Variants in SESN1 observed in about 807,000 individuals in gnomAD.
SESN1 encodes sestrin-1.
SESN1 carries 30 observed loss-of-function variants against 59.3 expected under a neutral mutation model. That is an observed-to-expected ratio of 0.51 (90% CI 0.38 to 0.69). The LOEUF is 0.69. Among genes scored for constraint, SESN1 ranks in the 30% least tolerant of loss-of-function variants. The pLI is 0.00. For missense variants in SESN1, 566 were observed against 673.0 expected (o/e 0.84, Z 1.76); for synonymous variants, 197 against 219.9 (o/e 0.90, Z 0.92).
intron 1 of SESN1, among the ~76,000 whole-genome samples, chr6:109,051,060 T>G (rs1780533513): frequency 1.3e-5 from 2 of 152,114 alleles, no homozygotes; most frequent in African/African-American, 4.8e-5. Context: ...CACCAAATAT[T>G]AATGCTGCTT....
chr6:109,036,678 T>A (rs991506640), intron 1 of SESN1, among the ~76,000 whole-genome samples: 1 of 152,234 alleles, frequency 6.6e-6, no homozygotes, highest in Non-Finnish European at 1.5e-5. Flanking sequence ...TTTCTTTTCC[T>A]GTTAACTTTC....
At chr6:109,062,731 C>A (rs1780751805) in intron 1 of SESN1, among the ~76,000 whole-genome samples, 1 of 152,076 alleles carries the variant, frequency 6.6e-6, no homozygotes, top group African/African-American at 2.4e-5. Context: ...TAGTACTGAA[C>A]CCCCTATGTA....
At chr6:108,998,182 C>G (rs1226932906) in intron 5 of SESN1, among the ~76,000 whole-genome samples, 3 of 152,156 alleles carry the variant, frequency 2.0e-5, no homozygotes, top group Non-Finnish European at 2.9e-5. Context: ...CTATTTTCAG[C>G]CTTCCCTCAT....
Position 109,094,132 on chromosome 6 carries a change from C to T in SESN1, c.-59G>A. 1 of 1,509,874 alleles carries T rather than the reference C, an allele frequency of 6.6e-7. No homozygotes were observed. The highest frequency in any genetic ancestry group is 2.2e-5 in the Admixed American group (1 of 46,058). 93.5% of individuals were successfully genotyped at this position (1,509,874 alleles called of 1,614,324 possible). ...CTTTCAGCATGCCCCAAAAAAATTG[C>T]TTTGTATTTTTAAAATGAAAAATGT... On this transcript the variant is annotated 5_prime_UTR_variant, in exon 1 of 10. Transcript: ENST00000436639.
At chr6:108,988,384 A>G (rs1033528881) in intron 9 of SESN1, 159 bp downstream of exon 9, 3 of 557,630 alleles carry the variant, frequency 5.4e-6, no homozygotes, top group South Asian at 3.0e-5. Context: ...CAACATAATC[A>G]GGTTCCCTTC....
At chr6:109,045,724 G>C (rs1194262324) in intron 1 of SESN1, among the ~76,000 whole-genome samples, 1 of 152,164 alleles carries the variant, frequency 6.6e-6, no homozygotes, top group African/African-American at 2.4e-5. Flanking sequence ...CAAAGCCTTT[G>C]CAGAATTCTC....
intron 1 of SESN1, among the ~76,000 whole-genome samples, chr6:109,017,241 T>C (rs1182158900): frequency 6.6e-6 from 1 of 152,164 alleles, no homozygotes; most frequent in African/African-American, 2.4e-5. Flanking sequence ...TATGTAACCA[T>C]TTAGCATTCA....
chr6:109,083,118 G>A (rs1167778590), intron 1 of SESN1, among the ~76,000 whole-genome samples: 1 of 152,146 alleles, frequency 6.6e-6, no homozygotes, highest in African/African-American at 2.4e-5. Flanking sequence ...GTTTACCAAT[G>A]TCATCTCTTA....
rs11415303 is a variant in SESN1 at position 109,058,037 on chromosome 6, CT to C, written c.279+35757del. Among the ~76,000 whole-genome samples the C allele has an allele frequency of 6.1e-3, 889 of 146,060 alleles. 6 individuals are homozygous for C. The highest frequency in any genetic ancestry group is 0.036 in the Middle Eastern group (10 of 280). On this transcript the variant is annotated intron_variant, in intron 1 of 9. Transcript: ENST00000436639. ...AGGGTCCCCTAATATTGTACAGTAA[CT>C]TTTTTTTTTTTACTATACCTTTCCT...
chr6:109,014,744 GGTGGCCTCATGCCACCC>G (rs1471003842), intron 1 of SESN1, among the ~76,000 whole-genome samples: 1 of 151,878 alleles, frequency 6.6e-6, no homozygotes, highest in Non-Finnish European at 1.5e-5. Context: ...CTGGGCCTTT[GGTGGCCTCATGCCACCC>G]AAAGCCTGTT....
At chr6:109,059,573 G>A (rs753846582) in intron 1 of SESN1, 12 of 152,048 alleles carry the variant, frequency 7.9e-5, no homozygotes, top group Non-Finnish European at 1.3e-4. Flanking sequence ...AATTTTCTCT[G>A]TATCATTCCA....
At chr6:109,012,400 C>T (rs992730688) in intron 1 of SESN1, among the ~76,000 whole-genome samples, 3 of 152,152 alleles carry the variant, frequency 2.0e-5, no homozygotes, top group African/African-American at 7.2e-5. Flanking sequence ...GGTCAACTTA[C>T]TCAACTGTAT....
intron 1 of SESN1, among the ~76,000 whole-genome samples, chr6:109,045,912 G>A (rs1033519109): frequency 5.3e-5 from 8 of 152,200 alleles, no homozygotes; most frequent in Non-Finnish European, 1.0e-4. Flanking sequence ...CGATATGGAA[G>A]AACTCTGATT....
rs1779548130 is a variant in SESN1 at position 108,998,582 on chromosome 6, G to C, written c.903C>G (p.Cys301Trp). 6.2e-7 allele frequency: 1 copy of C among 1,613,782 alleles called. No homozygotes were observed. The highest frequency in any genetic ancestry group is 1.3e-5 in the African/African-American group (1 of 74,918). ...TFRPPSVSNY[C>W]ICDITNGNHS... ...GATTGCCATTTGTAATGTCACAGAT[G>C]CAGTAGTTGCTAACAGAAGGAGGTC... The change falls in exon 5 of 10, where the codon TGC (cysteine) becomes TGG (tryptophan). Residue 301 changes from cysteine (C) to tryptophan (W), a missense_variant. Transcript: ENST00000436639.
rs1275612249 is a variant in SESN1 at position 109,009,619 on chromosome 6, G to A, written c.280-7276C>T. The A allele has an allele frequency of 3.0e-6, 3 of 984,618 alleles. No individual in the cohort carries two copies. In the African/African-American group the frequency reaches 5.2e-5, roughly 17 times the overall value. 61.0% of individuals were successfully genotyped at this position (984,618 alleles called of 1,614,324 possible). On this transcript the variant is annotated intron_variant, in intron 1 of 9. Transcript: ENST00000436639. ...CCCGCCCCGCGCCCGTCATTTCACCGCCCTGGCGGCCACGCAAGCCAATGC... is the reference window on the plus strand; with the variant it reads ...CCCGCCCCGCGCCCGTCATTTCACCACCCTGGCGGCCACGCAAGCCAATGC...
intron 1 of SESN1, chr6:109,009,502 G>A: frequency 2.5e-6 from 3 of 1,214,422 alleles, no homozygotes; most frequent in Non-Finnish European, 2.0e-6. Flanking sequence ...GGCGGCGAGC[G>A]CTGGGCAGCC....
intron 1 of SESN1, among the ~76,000 whole-genome samples, chr6:109,088,651 G>A (rs1562478228): frequency 6.6e-6 from 1 of 152,162 alleles, no homozygotes; most frequent in Non-Finnish European, 1.5e-5. Context: ...TCTTGGAAAA[G>A]TACTTGGCTA....
chr6:109,084,801 A>C (rs1319994331), intron 1 of SESN1, among the ~76,000 whole-genome samples: 2 of 152,202 alleles, frequency 1.3e-5, no homozygotes, highest in African/African-American at 2.4e-5. Flanking sequence ...ACATTAGAAC[A>C]TGAGAAGACA....
At chr6:109,072,909 T>G (rs544844399) in intron 1 of SESN1, among the ~76,000 whole-genome samples, 1 of 152,166 alleles carries the variant, frequency 6.6e-6, no homozygotes, top group Admixed American at 6.5e-5. Context: ...ATTTTTTTTT[T>G]AATAAAATGG....
Sources: allele counts gnomAD v4.1 joint callset (sites outside exome capture counted in the v4.1 genomes callset), GRCh38; gene constraint gnomAD v4.1.1; transcripts MANE v1.5; gene names NCBI Gene and HGNC (gene_info 2026-07-23, HGNC 2026-07-21).